The following LMX1A variants were observed in gnomAD, a reference collection of about 807,000 sequenced individuals.
LMX1A encodes the protein LIM homeobox transcription factor 1-alpha.
A neutral mutation model predicts 49.1 loss-of-function variants in LMX1A; 15 were observed. That is an observed-to-expected ratio of 0.31 (90% CI 0.20 to 0.47). The LOEUF (loss-of-function observed/expected upper bound fraction) is 0.47, where lower values mean the gene tolerates loss of function less well. LMX1A is among the 20% of genes least tolerant of loss of function. The pLI, the probability that LMX1A is intolerant of heterozygous loss-of-function variation, is 1.00. For synonymous variants in LMX1A, 167 were observed against 185.7 expected (o/e 0.90, Z 0.82); for missense variants, 372 against 475.8 (o/e 0.78, Z 2.03).
chr1:165,213,385 C>G, intron 5 of LMX1A: 1 of 410,238 alleles, frequency 2.4e-6, no homozygotes, highest in East Asian at 3.8e-5. Flanking sequence ...CCATTGTGCT[C>G]TATGAAATGA....
At chr1:165,311,728 G>T (rs1571216334) in intron 3 of LMX1A, among the ~76,000 whole-genome samples, 2 of 152,184 alleles carry the variant, frequency 1.3e-5, no homozygotes, top group South Asian at 4.1e-4. Flanking sequence ...TGCCCCAGAG[G>T]CTCCTGGAAA....
At chr1:165,230,541 C>T (rs547605365) in intron 4 of LMX1A, among the ~76,000 whole-genome samples, 6 of 152,292 alleles carry the variant, frequency 3.9e-5, no homozygotes, top group African/African-American at 7.2e-5. Context: ...CTGAGGTAAG[C>T]GGAACCAACA....
At chr1:165,273,692 A>T (rs1384777438) in intron 3 of LMX1A, among the ~76,000 whole-genome samples, 1 of 152,228 alleles carries the variant, frequency 6.6e-6, no homozygotes, top group African/African-American at 2.4e-5. Context: ...CCCCCATGCT[A>T]TGTGTATCAC....
chr1:165,339,487 A>G (rs1656002404), intron 3 of LMX1A, among the ~76,000 whole-genome samples: 1 of 152,194 alleles, frequency 6.6e-6, no homozygotes, highest in African/African-American at 2.4e-5. Flanking sequence ...GCAAAAACAA[A>G]AAGAGGTCAG....
intron 3 of LMX1A, among the ~76,000 whole-genome samples, chr1:165,345,594 A>G (rs1948931): frequency 0.025 from 3,830 of 152,266 alleles, 147 homozygotes; most frequent in African/African-American, 0.088. Flanking sequence ...CACAGTCAGA[A>G]AGGTTTTTAG....
At chr1:165,251,221 T>G (rs1054987521) in intron 3 of LMX1A, among the ~76,000 whole-genome samples, 1 of 152,120 alleles carries the variant, frequency 6.6e-6, no homozygotes, top group African/African-American at 2.4e-5. Flanking sequence ...TAGCTGGGAT[T>G]AAAGGTGCAT....
At chr1:165,208,853 T>C (rs1427825778) in intron 6 of LMX1A, among the ~76,000 whole-genome samples, 1 of 152,286 alleles carries the variant, frequency 6.6e-6, no homozygotes, top group East Asian at 1.9e-4. Flanking sequence ...TTCACCATGT[T>C]AGCCAGGATG....
intron 4 of LMX1A, among the ~76,000 whole-genome samples, chr1:165,248,165 G>T (rs553346893): frequency 3.9e-5 from 6 of 152,308 alleles, no homozygotes; most frequent in Non-Finnish European, 8.8e-5. Context: ...TCCCCATAAA[G>T]TTGCCTTTTG....
At chr1:165,212,145 C>T (rs1351130580) in intron 5 of LMX1A, among the ~76,000 whole-genome samples, 2 of 152,206 alleles carry the variant, frequency 1.3e-5, no homozygotes, top group African/African-American at 4.8e-5. Flanking sequence ...TTCCAAATAT[C>T]AGAAGTTGTG....
chr1:165,216,610 C>G (rs969563448), intron 4 of LMX1A, among the ~76,000 whole-genome samples: 1 of 152,196 alleles, frequency 6.6e-6, no homozygotes, highest in Non-Finnish European at 1.5e-5. Flanking sequence ...GTTGTATTAT[C>G]TCCAGAAACC....
chr1:165,258,665 G>A (rs1653329298), intron 3 of LMX1A, among the ~76,000 whole-genome samples: 1 of 152,144 alleles, frequency 6.6e-6, no homozygotes, highest in Non-Finnish European at 1.5e-5. Flanking sequence ...CAAGGCACTG[G>A]CCTCACCAAG....
At chr1:165,327,614 T>C (rs933947812) in intron 3 of LMX1A, among the ~76,000 whole-genome samples, 3 of 152,030 alleles carry the variant, frequency 2.0e-5, no homozygotes, top group African/African-American at 7.3e-5. Context: ...CACTTAGGAA[T>C]CCCCTCCCAA....
rs539102325 is a variant in LMX1A, at chr1:165,236,798, A to G, written c.496+12610T>C. Among the ~76,000 whole-genome samples, 4 of 148,822 alleles carry G rather than the reference A, an allele frequency of 2.7e-5. No homozygotes were observed. In the South Asian group the frequency reaches 8.5e-4, roughly 32 times the overall value. On this transcript the variant is annotated intron_variant, in intron 4 of 8. Transcript: ENST00000342310. Reference sequence around the variant, plus strand: ...GCTTTAAAAAAAAAAAAAAAATCCCAGGCTGCACCCCAGACCATTAAATCC... The same window carrying G: ...GCTTTAAAAAAAAAAAAAAAATCCCGGGCTGCACCCCAGACCATTAAATCC...
At chr1:165,312,969 A>G (rs528361853) in intron 3 of LMX1A, among the ~76,000 whole-genome samples, 1 of 152,328 alleles carries the variant, frequency 6.6e-6, no homozygotes, top group African/African-American at 2.4e-5. Flanking sequence ...ATCTTTTTCA[A>G]TTATACCTCT....
intron 3 of LMX1A, among the ~76,000 whole-genome samples, chr1:165,250,792 A>T (rs1182930496): frequency 6.6e-6 from 1 of 152,192 alleles, no homozygotes; most frequent in Admixed American, 6.5e-5. Flanking sequence ...GCAGGGAGTG[A>T]GCAGGGGGTG....
intron 3 of LMX1A, among the ~76,000 whole-genome samples, chr1:165,318,257 C>T (rs1216265009): frequency 6.6e-6 from 1 of 152,122 alleles, no homozygotes; most frequent in Non-Finnish European, 1.5e-5. Context: ...TAACCAAAAA[C>T]AAATTATCCC....
chr1:165,267,039 A>G (rs961684262), intron 3 of LMX1A, among the ~76,000 whole-genome samples: 1 of 151,884 alleles, frequency 6.6e-6, no homozygotes, highest in Non-Finnish European at 1.5e-5. Context: ...TTTCAAAGGG[A>G]ACAATTCTAT....
chr1:165,224,943 A>G (rs1651980490), intron 4 of LMX1A, among the ~76,000 whole-genome samples: 1 of 152,174 alleles, frequency 6.6e-6, no homozygotes. Flanking sequence ...ATTAGTACCC[A>G]TCCAGTTATG....
intron 3 of LMX1A, among the ~76,000 whole-genome samples, chr1:165,260,998 A>G (rs1653420576): frequency 6.6e-6 from 1 of 152,344 alleles, no homozygotes. Flanking sequence ...TTATTCAATT[A>G]CATTCATTAT....
Sources: allele counts gnomAD v4.1 joint callset (sites outside exome capture counted in the v4.1 genomes callset), GRCh38; gene constraint gnomAD v4.1.1; transcripts MANE v1.5; gene names NCBI Gene and HGNC (gene_info 2026-07-23, HGNC 2026-07-21).